SOX5: variants seen among roughly 807,000 people sequenced by gnomAD.
SOX5 encodes the protein SRY-box transcription factor 5.
Under a neutral mutation model 92.0 loss-of-function variants are expected in SOX5, and 9 were observed. That is an observed-to-expected ratio of 0.10 (90% confidence interval 0.06 to 0.17). SOX5 has a LOEUF of 0.17. SOX5 is among the 10% of genes least tolerant of loss of function. The pLI, the probability that SOX5 is intolerant of heterozygous loss-of-function variation, is 1.00. For missense variants in SOX5, 642 were observed against 944.5 expected, an observed-to-expected ratio of 0.68 and a Z score of 4.20; for synonymous variants, 344 against 336.3, an observed-to-expected ratio of 1.02 and a Z score of -0.25.
chr12:24,285,830 T>C (rs887498264), intron 2 of SOX5, among the ~76,000 whole-genome samples: 1 of 152,180 alleles, frequency 6.6e-6, no homozygotes, highest in African/African-American at 2.4e-5. Flanking sequence ...ATCAAACATA[T>C]AGATTACATT....
chr12:24,024,183 GGAATATAAT>G (rs1249315149), intron 4 of SOX5, among the ~76,000 whole-genome samples: 1 of 151,816 alleles, frequency 6.6e-6, no homozygotes, highest in Non-Finnish European at 1.5e-5. Flanking sequence ...TCAGTATTTT[GGAATATAAT>G]GAAAAATGGA....
chr12:23,994,210 G>A lies in SOX5; in HGVS notation c.-1-98186C>T, dbSNP rs16926945. Reference sequence around the variant, plus strand: ...TGAGAGGGAAATCTGATGTGAATGAGTGAAGACACATAGAAATACTAAAAT... The same window carrying A: ...TGAGAGGGAAATCTGATGTGAATGAATGAAGACACATAGAAATACTAAAAT... On this transcript the variant is annotated intron_variant, in intron 4 of 4. Transcript: ENST00000446891. Among the ~76,000 whole-genome samples, 1,268 of 152,172 alleles carry A rather than the reference G, an allele frequency of 8.3e-3. 25 individuals are homozygous for A. Among genetic ancestry groups the A allele is most frequent in the African/African-American group, 0.029 (1,207 of 41,530 alleles).
intron 1 of SOX5, among the ~76,000 whole-genome samples, chr12:24,535,913 A>C (rs937716666): frequency 4.1e-5 from 6 of 144,750 alleles, no homozygotes; most frequent in South Asian, 2.2e-4. Flanking sequence ...GTGTTCCTTC[A>C]CCCCCTCCCA....
At chr12:24,033,094 G>T (rs964377550) in intron 4 of SOX5, among the ~76,000 whole-genome samples, 2 of 151,880 alleles carry the variant, frequency 1.3e-5, no homozygotes, top group African/African-American at 4.8e-5. Flanking sequence ...CCAAAAGGTT[G>T]AAATACCATG....
chr12:23,806,259 C>A (rs748068849), intron 3 of SOX5, among the ~76,000 whole-genome samples: 4 of 152,208 alleles, frequency 2.6e-5, no homozygotes, highest in Non-Finnish European at 5.9e-5. Flanking sequence ...TTTCTCAACA[C>A]CACTGCTAAC....
chr12:23,909,744 G>A (rs1372112722), intron 1 of SOX5, among the ~76,000 whole-genome samples: 1 of 152,106 alleles, frequency 6.6e-6, no homozygotes, highest in Non-Finnish European at 1.5e-5. Context: ...CACTGTCTGA[G>A]CTTATGAGGA....
intron 3 of SOX5, among the ~76,000 whole-genome samples, chr12:23,779,106 A>T (rs2095199409): frequency 6.6e-6 from 1 of 152,176 alleles, no homozygotes; most frequent in Admixed American, 6.5e-5. Context: ...AAACTTTTCC[A>T]TGGTGGATTC....
chr12:23,891,710 A>G (rs1160948162), intron 2 of SOX5, among the ~76,000 whole-genome samples: 1 of 152,186 alleles, frequency 6.6e-6, no homozygotes, highest in Non-Finnish European at 1.5e-5. Flanking sequence ...TTCCTTACAG[A>G]AATAAAAGAA....
At chr12:24,325,830 A>G (rs1950624876) in intron 2 of SOX5, among the ~76,000 whole-genome samples, 1 of 152,218 alleles carries the variant, frequency 6.6e-6, no homozygotes, top group Admixed American at 6.5e-5. Flanking sequence ...CCTTGTAATA[A>G]GGATTAAGTA....
chr12:23,714,536 G>A (rs373587781), intron 6 of SOX5, among the ~76,000 whole-genome samples: 215 of 152,238 alleles, frequency 1.4e-3, no homozygotes, highest in African/African-American at 4.9e-3. Context: ...GAACAGAATC[G>A]CTTGAACCCG....
chr12:23,692,144 G>C (rs554462122), intron 6 of SOX5, among the ~76,000 whole-genome samples: 2 of 152,092 alleles, frequency 1.3e-5, no homozygotes, highest in South Asian at 2.1e-4. Context: ...ATTTAAAAAT[G>C]ATTTATGGCT....
Position 23,534,411 on chromosome 12 carries a change from G to T in SOX5, c.2100C>A (p.Ser700Arg). ...TAACAGGCATCCCAGGCTCTGGGCT[G>T]CTAGACACGCTTGAGTGCTCCGAGG... ...HLPSEHSSVS[S>R]SPEPGMPVIQ... Residue 700 changes from serine (S) to arginine (R), a missense_variant, in exon 15 of 15, where the codon AGC (serine) becomes AGA (arginine). Coordinates refer to ENST00000451604, the MANE Select transcript of SOX5 (RefSeq NM_006940.6). 1 of 1,614,118 alleles carries T rather than the reference G, an allele frequency of 6.2e-7. No individual in the cohort carries two copies. Among genetic ancestry groups the T allele is most frequent in the Non-Finnish European group, 8.5e-7 (1 of 1,180,026 alleles).
At chr12:24,531,901 C>T (rs1049344056) in intron 1 of SOX5, among the ~76,000 whole-genome samples, 4 of 152,188 alleles carry the variant, frequency 2.6e-5, no homozygotes, top group Admixed American at 6.5e-5. Context: ...CCTGAATATT[C>T]TGAGCAATTT....
chr12:24,230,508 T>C (rs954491478), intron 3 of SOX5: 10 of 152,110 alleles, frequency 6.6e-5, no homozygotes, highest in South Asian at 6.2e-4. Context: ...CCCAAGCACA[T>C]TGTACCCCAG....
intron 6 of SOX5, among the ~76,000 whole-genome samples, chr12:23,690,304 A>G (rs902791466): frequency 2.6e-5 from 4 of 152,228 alleles, no homozygotes; most frequent in African/African-American, 4.8e-5. Flanking sequence ...AGAAACGGCC[A>G]TAAGTGGCAG....
chr12:23,807,335 T>A (rs1280489555), intron 3 of SOX5, among the ~76,000 whole-genome samples: 1 of 152,144 alleles, frequency 6.6e-6, no homozygotes, highest in African/African-American at 2.4e-5. Context: ...CTTTGCAGAT[T>A]TAGTCAAGTT....
At chr12:24,121,773 A>G (rs1286004704) in intron 4 of SOX5, among the ~76,000 whole-genome samples, 5 of 149,232 alleles carry the variant, frequency 3.4e-5, no homozygotes, top group Middle Eastern at 3.4e-3. Context: ...GTAGTCCAAG[A>G]TGTTTGGGAG....
rs11047326 is a variant in SOX5 at position 24,242,887 on chromosome 12, A to G, written c.-76-29470T>C. Among the ~76,000 whole-genome samples, 1,100 of 152,286 alleles carry G rather than the reference A, an allele frequency of 7.2e-3. 16 individuals carry two copies. Among genetic ancestry groups the G allele is most frequent in the African/African-American group, 0.024 (1,005 of 41,538 alleles). On this transcript the variant is annotated intron_variant, in intron 3 of 4. Coordinates refer to the SOX5 transcript ENST00000446891. ...ATTTATCTTATATAAGTAACACTTAAGTGTATATGTACAAAAATACTCATT... is the reference window on the plus strand; with the variant it reads ...ATTTATCTTATATAAGTAACACTTAGGTGTATATGTACAAAAATACTCATT...
rs536842469 is a variant in SOX5 at position 23,979,834 on chromosome 12, C to T, written c.-1-83810G>A. Among the ~76,000 whole-genome samples the T allele has an allele frequency of 3.3e-3, 490 of 148,798 alleles. 7 individuals are homozygous for T. The highest frequency in any genetic ancestry group is 0.012 in the African/African-American group (468 of 40,450). ...CTAGGCTCAAGCAATCCTCCTGCCT[C>T]AGCCTTCCAAGTAACTAGGACTACA... On this transcript the variant is annotated intron_variant, in intron 4 of 4. Transcript: ENST00000446891.
Sources: gnomAD v4.1 joint callset for allele counts (sites outside exome capture counted in the v4.1 genomes callset) on GRCh38, gnomAD v4.1.1 for gene constraint, MANE v1.5 for transcripts, NCBI Gene and HGNC (gene_info 2026-07-23, HGNC 2026-07-21) for gene names.